PHLPP1: variants seen among roughly 807,000 people sequenced by gnomAD.
PHLPP1 encodes the protein PH domain and leucine rich repeat protein phosphatase 1.
A neutral mutation model predicts 117.2 loss-of-function variants in PHLPP1; 42 were observed. The ratio of observed to expected loss-of-function variants is 0.36; its 90% confidence interval spans 0.28 to 0.46. PHLPP1 has a LOEUF of 0.46. Ranked by LOEUF, PHLPP1 falls within the 20% of genes least tolerant of loss-of-function variation. PHLPP1 has a pLI of 1.00. For missense variants in PHLPP1, 2,084 were observed against 2,241.9 expected, an observed-to-expected ratio of 0.93 and a Z score of 1.42; for synonymous variants, 1,042 against 970.7, an observed-to-expected ratio of 1.07 and a Z score of -1.37.
intron 1 of PHLPP1, among the ~76,000 whole-genome samples, chr18:62,817,091 G>A (rs765471918): frequency 1.3e-5 from 2 of 152,034 alleles, no homozygotes; most frequent in Admixed American, 1.3e-4. Flanking sequence ...ACAGGTGCAC[G>A]CCACCACACC....
intron 10 of PHLPP1, among the ~76,000 whole-genome samples, chr18:62,926,772 A>G (rs622836): frequency 0.46 from 70,579 of 152,022 alleles, 16,547 homozygotes; most frequent in Middle Eastern, 0.57. Flanking sequence ...GAGCTAGAGC[A>G]TCTTCTGTGA....
At chr18:62,794,720 C>T (rs1913573675) in intron 1 of PHLPP1, among the ~76,000 whole-genome samples, 1 of 151,856 alleles carries the variant, frequency 6.6e-6, no homozygotes, top group South Asian at 2.1e-4. Context: ...AAAGAACTAG[C>T]TTTTTTTTAC....
rs1344408953 is a variant in PHLPP1, at chr18:62,978,093, G to A, written c.3985-169G>A. On this transcript the variant is annotated intron_variant, in intron 16 of 16. Coordinates refer to ENST00000262719, the MANE Select transcript of PHLPP1 (RefSeq NM_194449.4). The surrounding 1 kb of genome is among the most constrained non-coding windows in gnomAD (Gnocchi z 7.0). ...CTACTACCTGGGGTTTCTGATGACAGGTGCACATTAACTACTCACTACAGA... is the reference window on the plus strand; with the variant it reads ...CTACTACCTGGGGTTTCTGATGACAAGTGCACATTAACTACTCACTACAGA... Among the ~76,000 whole-genome samples, 2 of 152,082 alleles carry A rather than the reference G, an allele frequency of 1.3e-5. No homozygotes were observed. The highest frequency in any genetic ancestry group is 2.9e-5 in the Non-Finnish European group (2 of 68,016).
intron 8 of PHLPP1, among the ~76,000 whole-genome samples, chr18:62,905,788 A>C (rs1916835413): frequency 6.6e-6 from 1 of 152,202 alleles, no homozygotes; most frequent in Admixed American, 6.5e-5. Flanking sequence ...AATTCTCTAC[A>C]ACCTGCTTGG....
intron 1 of PHLPP1, among the ~76,000 whole-genome samples, chr18:62,783,969 C>T (rs1913203476): frequency 6.6e-6 from 1 of 152,208 alleles, no homozygotes; most frequent in Non-Finnish European, 1.5e-5. Context: ...GTGTCTGCCA[C>T]CTGGCTAGGC....
chr18:62,821,416 G>A (rs539686371), intron 1 of PHLPP1, among the ~76,000 whole-genome samples: 1 of 151,840 alleles, frequency 6.6e-6, no homozygotes, highest in African/African-American at 2.4e-5. Context: ...GGGCATAATG[G>A]CATATGCCTG....
In PHLPP1 at chr18:62,716,681, C is replaced by T. The variant is rs1301680326; in HGVS notation, c.998C>T (p.Pro333Leu). ...CCCGGCGAGCCGTTCGTTGGGGGCC[C>T]TGTCTCTTCGCCCCGCGCCCCACGG... Reference protein sequence around the residue: ...SSPGEPFVGGPVSSPRAPRPV... With the variant: ...SSPGEPFVGGLVSSPRAPRPV... Residue 333 changes from proline (P) to leucine (L), a missense_variant, in exon 1 of 17, where the codon CCT becomes CTT. Pro to Leu is a moderately conservative substitution (Grantham distance 98). This residue lies in a region of PHLPP1 where 719 missense variants were observed against 636.0 expected (regional missense o/e 1.13). Coordinates refer to ENST00000262719, the MANE Select transcript of PHLPP1 (RefSeq NM_194449.4). The surrounding 1 kb of genome is among the most constrained non-coding windows in gnomAD (Gnocchi z 5.7). 6.8e-7 allele frequency: 1 copy of T among 1,466,494 alleles called. No individual in the cohort carries two copies. The allele number at this position is 1,466,494 out of a possible 1,614,324, so 90.8% of individuals were successfully genotyped here.
chr18:62,959,948 C>A (rs977529916), intron 13 of PHLPP1, among the ~76,000 whole-genome samples: 1 of 152,060 alleles, frequency 6.6e-6, no homozygotes, highest in Non-Finnish European at 1.5e-5. Context: ...TATGAAACCT[C>A]GGCCTAAACC....
chr18:62,745,151 TA>T (rs1911640411), intron 1 of PHLPP1, among the ~76,000 whole-genome samples: 1 of 152,208 alleles, frequency 6.6e-6, no homozygotes, highest in Non-Finnish European at 1.5e-5. Context: ...ACTTTGAAAT[TA>T]GAGTTGAGGT....
rs1159265423 is a variant in PHLPP1 at position 62,849,797 on chromosome 18, C to CAAAA, written c.1900-10605_1900-10602dup. 4.1e-3 allele frequency among the ~76,000 whole-genome samples: 30 copies of CAAAA among 7,400 alleles called. 9 individuals carry two copies. The highest frequency in any genetic ancestry group is 6.5e-3 in the Non-Finnish European group (27 of 4,186). The allele number at this position is 7,400 out of a possible 152,430, so 4.9% of individuals were successfully genotyped here. A position where few individuals can be genotyped will look rare whatever the true frequency, so the allele number is the denominator to read the frequency against. On this transcript the variant is annotated intron_variant, in intron 3 of 16. Coordinates refer to ENST00000262719, the MANE Select transcript of PHLPP1 (RefSeq NM_194449.4). ...GCAACATAGCAAGGCCCTGTCTCTA[C>CAAAA]AAAAAAAAAAAAAAAAAAAAAAAAA...
intron 4 of PHLPP1, among the ~76,000 whole-genome samples, chr18:62,877,381 G>A (rs748128254): frequency 6.6e-6 from 1 of 152,166 alleles, no homozygotes; most frequent in Non-Finnish European, 1.5e-5. Context: ...TCATTTGATC[G>A]ATTTAAACAG....
intron 4 of PHLPP1, among the ~76,000 whole-genome samples, chr18:62,883,325 A>G (rs1305404733): frequency 6.6e-6 from 1 of 152,234 alleles, no homozygotes; most frequent in Non-Finnish European, 1.5e-5. Context: ...ATTTGACAGT[A>G]CACGGCAGGT....
chr18:62,851,553 C>T (rs931242246), intron 3 of PHLPP1, among the ~76,000 whole-genome samples: 9 of 152,110 alleles, frequency 5.9e-5, no homozygotes, highest in Admixed American at 1.3e-4. Context: ...CTCCGCCTCC[C>T]GGATTCAAGA....
intron 1 of PHLPP1, among the ~76,000 whole-genome samples, chr18:62,808,556 T>TGTTTTTTTTTTTTTTG (rs1914019158): frequency 6.6e-6 from 1 of 151,434 alleles, no homozygotes; most frequent in African/African-American, 2.4e-5. Context: ...TGTTTTTTTT[T>TGTTTTTTTTTTTTTTG]GTTTTTTTTT....
At chr18:62,849,649 CAAAA>C (rs34653454) in intron 3 of PHLPP1, among the ~76,000 whole-genome samples, 2 of 82,804 alleles carry the variant, frequency 2.4e-5, no homozygotes, top group Non-Finnish European at 2.4e-5. Flanking sequence ...GATTCTGTCT[CAAAA>C]AAAAAAAAAA....
At chr18:62,976,685 A>G (rs1911196812) in intron 16 of PHLPP1, among the ~76,000 whole-genome samples, 1 of 152,238 alleles carries the variant, frequency 6.6e-6, no homozygotes, top group African/African-American at 2.4e-5. Context: ...TCCCATGTAT[A>G]GCTTGAGTCT....
intron 6 of PHLPP1, among the ~76,000 whole-genome samples, chr18:62,896,572 G>C (rs1205412895): frequency 1.3e-5 from 2 of 152,126 alleles, no homozygotes; most frequent in African/African-American, 4.8e-5. Context: ...TGGGATTACA[G>C]GCATGAGCCA....
chr18:62,772,114 T>C (rs1912802329), intron 1 of PHLPP1, among the ~76,000 whole-genome samples: 2 of 152,362 alleles, frequency 1.3e-5, no homozygotes, highest in Admixed American at 1.3e-4. Context: ...CACTTCTCTT[T>C]GCCATTGTGG....
At chr18:62,824,273 A>C in intron 1 of PHLPP1, 1 of 444,470 alleles carries the variant, frequency 2.2e-6, no homozygotes, top group Non-Finnish European at 4.5e-6. Context: ...GTCTATACCA[A>C]GACTTGTACA....
Sources: gnomAD v4.1 joint callset for allele counts (sites outside exome capture counted in the v4.1 genomes callset) on GRCh38, gnomAD v4.1.1 for gene constraint, gnomAD v4.1.1 regional missense constraint, Gnocchi (gnomAD v3.1) non-coding constraint, MANE v1.5 for transcripts, NCBI Gene and HGNC (gene_info 2026-07-23, HGNC 2026-07-21) for gene names.